Variants in ADAMTSL3 observed in about 807,000 individuals in gnomAD.
The protein encoded by ADAMTSL3 is ADAMTS-like protein 3.
In ADAMTSL3, 128 loss-of-function variants were observed where a neutral mutation model predicts 201.7. The observed-to-expected ratio is 0.63, with a 90% confidence interval of 0.55 to 0.73. The LOEUF is 0.73. Among genes scored for constraint, ADAMTSL3 ranks in the 30% least tolerant of loss-of-function variants. The probability of loss-of-function intolerance (pLI) is 0.00; values close to 1 mark genes in which losing one functional copy is unlikely to be tolerated. For synonymous variants in ADAMTSL3, 738 were observed against 748.4 expected (o/e 0.99, Z 0.23); for missense variants, 1,990 against 2,119.6 (o/e 0.94, Z 1.20).
chr15:83,697,136 T>C (rs2061697393), intron 2 of ADAMTSL3, among the ~76,000 whole-genome samples: 1 of 152,178 alleles, frequency 6.6e-6, no homozygotes, highest in Admixed American at 6.5e-5. Context: ...AACTGGTGAC[T>C]GCTTAACTTT....
At chr15:83,895,769 AATATTAT>A (rs1012572423) in intron 13 of ADAMTSL3, among the ~76,000 whole-genome samples, 2 of 98,268 alleles carry the variant, frequency 2.0e-5, no homozygotes, top group Non-Finnish European at 4.0e-5. Flanking sequence ...ACAGCCACTC[AATATTAT>A]ATATATATAT....
intron 6 of ADAMTSL3, chr15:83,824,870 T>C (rs940145338): frequency 1.3e-5 from 2 of 152,212 alleles, no homozygotes; most frequent in Admixed American, 6.5e-5. Context: ...ATTAAATTAA[T>C]GGAATGTTTC....
intron 2 of ADAMTSL3, among the ~76,000 whole-genome samples, chr15:83,669,155 T>A (rs1009381196): frequency 6.6e-6 from 1 of 152,170 alleles, no homozygotes; most frequent in Non-Finnish European, 1.5e-5. Flanking sequence ...AGTATTTATT[T>A]ATTTTTTTTA....
chr15:83,942,840 C>T, intron 18 of ADAMTSL3, 52 bp downstream of exon 18: 2 of 1,605,740 alleles, frequency 1.2e-6, no homozygotes, highest in East Asian at 2.2e-5. Flanking sequence ...CTGTGAGAGG[C>T]CCTGCACTGC....
intron 25 of ADAMTSL3, among the ~76,000 whole-genome samples, chr15:84,019,679 G>A (rs2068160265): frequency 6.6e-6 from 1 of 151,988 alleles, no homozygotes; most frequent in African/African-American, 2.4e-5. Flanking sequence ...GGACCACAAG[G>A]TCAGGGGTTC....
At chr15:83,925,603 A>G (rs1044785891) in intron 17 of ADAMTSL3, among the ~76,000 whole-genome samples, 2 of 152,230 alleles carry the variant, frequency 1.3e-5, no homozygotes, top group African/African-American at 4.8e-5. Context: ...CTAGGAGTCA[A>G]GACATCTACT....
At chr15:83,819,162 C>T (rs2063815381) in intron 5 of ADAMTSL3, among the ~76,000 whole-genome samples, 1 of 150,194 alleles carries the variant, frequency 6.7e-6, no homozygotes, top group Non-Finnish European at 1.5e-5. Context: ...CCCAGCTACT[C>T]AGGGGGGCTG....
chr15:83,825,518 C>A (rs1300337038), intron 6 of ADAMTSL3, among the ~76,000 whole-genome samples: 1 of 152,010 alleles, frequency 6.6e-6, no homozygotes, highest in Non-Finnish European at 1.5e-5. Context: ...TACTCAGGTA[C>A]CTGAGGCAAG....
At chr15:83,847,049 A>G (rs2064512858) in intron 7 of ADAMTSL3, among the ~76,000 whole-genome samples, 1 of 152,192 alleles carries the variant, frequency 6.6e-6, no homozygotes, top group African/African-American at 2.4e-5. Flanking sequence ...AACATACGTC[A>G]GGTTGGGAGC....
At chr15:83,949,357 T>A (rs1469666923) in intron 19 of ADAMTSL3, among the ~76,000 whole-genome samples, 1 of 152,224 alleles carries the variant, frequency 6.6e-6, no homozygotes, top group African/African-American at 2.4e-5. Context: ...TTTTTATGGC[T>A]GAATAGTACT....
At chr15:84,025,654 A>G in intron 27 of ADAMTSL3, 1 of 469,366 alleles carries the variant, frequency 2.1e-6, no homozygotes, top group East Asian at 3.9e-5. Flanking sequence ...GGTTCTTTGA[A>G]TGCAGTGATG....
intron 19 of ADAMTSL3, among the ~76,000 whole-genome samples, chr15:83,952,084 G>T (rs551431312): frequency 1.3e-5 from 2 of 152,066 alleles, no homozygotes; most frequent in East Asian, 1.9e-4. Flanking sequence ...TTTGATGTAG[G>T]CATTTATAGC....
At chr15:83,897,484 A>G (rs565742771) in intron 13 of ADAMTSL3, among the ~76,000 whole-genome samples, 249 of 152,312 alleles carry the variant, frequency 1.6e-3, no homozygotes, top group Admixed American at 4.8e-3. Flanking sequence ...ACAGTTCAGA[A>G]AGGTTTCATT....
At chr15:83,788,480 A>G (rs2063297411) in intron 4 of ADAMTSL3, among the ~76,000 whole-genome samples, 1 of 152,048 alleles carries the variant, frequency 6.6e-6, no homozygotes, top group African/African-American at 2.4e-5. Flanking sequence ...TTGAATGATG[A>G]TTTTTCCATA....
At chr15:84,005,663 A>C (rs997783122) in intron 23 of ADAMTSL3, among the ~76,000 whole-genome samples, 1 of 152,364 alleles carries the variant, frequency 6.6e-6, no homozygotes, top group African/African-American at 2.4e-5. Flanking sequence ...GCAGAAGCCC[A>C]GGGTACGTGA....
chr15:83,721,210 A>G (rs984521184), intron 3 of ADAMTSL3, among the ~76,000 whole-genome samples: 3 of 152,250 alleles, frequency 2.0e-5, no homozygotes, highest in South Asian at 2.1e-4. Flanking sequence ...TGGCAGAACT[A>G]TAGGAAGTTA....
At chr15:84,032,255 A>G (rs1472748986) in intron 28 of ADAMTSL3, among the ~76,000 whole-genome samples, 1 of 152,222 alleles carries the variant, frequency 6.6e-6, no homozygotes, top group Non-Finnish European at 1.5e-5. Context: ...AAGATGCTCA[A>G]TATCTGGCTA....
At chr15:84,028,368 T>C (rs563219325) in intron 27 of ADAMTSL3, among the ~76,000 whole-genome samples, 1 of 152,254 alleles carries the variant, frequency 6.6e-6, no homozygotes, top group South Asian at 2.1e-4. Flanking sequence ...TCTAACTTGA[T>C]TAAAGAGCTA....
intron 28 of ADAMTSL3, among the ~76,000 whole-genome samples, chr15:84,033,692 T>C (rs1960770): frequency 0.86 from 130,664 of 152,118 alleles, 56,509 homozygotes; most frequent in East Asian, 0.98. Flanking sequence ...CAAAAAAACG[T>C]GCTCAAGTCC....
Sources: gnomAD v4.1 joint callset for allele counts (sites outside exome capture counted in the v4.1 genomes callset) on GRCh38, gnomAD v4.1.1 for gene constraint, MANE v1.5 for transcripts, NCBI Gene and HGNC (gene_info 2026-07-23, HGNC 2026-07-21) for gene names.